Variants in ADCY8 observed in about 807,000 individuals in gnomAD.
ADCY8 encodes adenylate cyclase type 8.
A neutral mutation model predicts 119.7 loss-of-function variants in ADCY8; 51 were observed. That is an observed-to-expected ratio of 0.43 (90% CI 0.34 to 0.54). The LOEUF is 0.54. Ranked by LOEUF, ADCY8 falls within the 20% of genes least tolerant of loss-of-function variation. ADCY8 has a pLI of 0.03. For synonymous variants in ADCY8, 665 were observed against 651.0 expected (o/e 1.02, Z -0.33); for missense variants, 1,383 against 1,598.8 (o/e 0.87, Z 2.30).
chr8:130,989,327 C>T (rs188438955), intron 2 of ADCY8, among the ~76,000 whole-genome samples: 234 of 152,240 alleles, frequency 1.5e-3, no homozygotes, highest in African/African-American at 5.5e-3. Flanking sequence ...GTCACACGGA[C>T]CTGGCTTCAC....
intron 8 of ADCY8, among the ~76,000 whole-genome samples, chr8:130,873,901 C>A (rs190083496): frequency 1.3e-5 from 2 of 152,170 alleles, no homozygotes; most frequent in Non-Finnish European, 2.9e-5. Flanking sequence ...AAAGAAAATT[C>A]TCAACTGGGA....
At chr8:131,027,117 C>T (rs551790348) in intron 1 of ADCY8, among the ~76,000 whole-genome samples, 1 of 152,326 alleles carries the variant, frequency 6.6e-6, no homozygotes, top group South Asian at 2.1e-4. Flanking sequence ...GCTTGAAGGA[C>T]TGCTCATTTT....
At chr8:130,873,108 C>G (rs1013728134) in intron 8 of ADCY8, among the ~76,000 whole-genome samples, 5 of 152,178 alleles carry the variant, frequency 3.3e-5, no homozygotes. Context: ...AGGTGATGGA[C>G]AGAGCTTCCA....
At position 130,865,852 on chromosome 8, in the gene ADCY8, T is replaced by G. The variant is rs185397798; in HGVS notation, c.2210+1994A>C. Among the ~76,000 whole-genome samples the G allele has an allele frequency of 2.6e-5, 4 of 152,238 alleles. No homozygotes were observed. The East Asian group carries it at 7.7e-4, about 29-fold the overall frequency. ...ATGAGAGGGAGATTAGATGATCAGTTTCACGAGTTCATAGTGTCTTGATGG... is the reference window on the plus strand; with the variant it reads ...ATGAGAGGGAGATTAGATGATCAGTGTCACGAGTTCATAGTGTCTTGATGG... On this transcript the variant is annotated intron_variant, in intron 9 of 17. Transcript: ENST00000286355.
At chr8:130,921,432 A>ATTTCTC (rs1820299212) in intron 5 of ADCY8, among the ~76,000 whole-genome samples, 1 of 135,116 alleles carries the variant, frequency 7.4e-6, no homozygotes, top group African/African-American at 2.8e-5. Flanking sequence ...ATGGTTATCC[A>ATTTCTC]TTTTTCTTTT....
chr8:130,787,305 G>A (rs1434562480), intron 15 of ADCY8, among the ~76,000 whole-genome samples: 1 of 152,152 alleles, frequency 6.6e-6, no homozygotes, highest in Non-Finnish European at 1.5e-5. Flanking sequence ...TTGGGTTAGG[G>A]ATGGAGTCAG....
At chr8:130,986,316 G>A (rs1044482683) in intron 2 of ADCY8, among the ~76,000 whole-genome samples, 2 of 152,168 alleles carry the variant, frequency 1.3e-5, no homozygotes, top group Non-Finnish European at 2.9e-5. Flanking sequence ...ATAGGTAGAA[G>A]TGAAGCTAGG....
chr8:130,867,925 C>A lies in ADCY8; in HGVS notation c.2131G>T (p.Val711Leu). The stretch of plus-strand genomic sequence containing the variant: ...GCACAGACCAAGTTTGACTTGAACA[C>A]TTCATCCCTCATTTGAGAATACTGT... ...EHKYSQMRDE[V>L]FKSNLVCAFI... Residue 711 changes from valine (V) to leucine (L), a missense_variant, in exon 9 of 18, where the codon GTG becomes TTG. By Grantham distance (32) the Val-to-Leu change is conservative. This residue lies in a region of ADCY8 where 928 missense variants were observed against 1,163.5 expected (regional missense o/e 0.80). Transcript: ENST00000286355. 1 of 1,610,452 alleles carries A rather than the reference C, an allele frequency of 6.2e-7. No individual in the cohort carries two copies. The highest frequency in any genetic ancestry group is 8.5e-7 in the Non-Finnish European group (1 of 1,177,904).
intron 2 of ADCY8, among the ~76,000 whole-genome samples, chr8:130,982,317 A>G (rs1195093874): frequency 3.3e-5 from 5 of 152,160 alleles, no homozygotes; most frequent in Non-Finnish European, 7.3e-5. Flanking sequence ...TGTTAACAAA[A>G]ATGTCTTAGT....
chr8:130,801,207 T>G (rs952334971), intron 14 of ADCY8, among the ~76,000 whole-genome samples: 2 of 152,194 alleles, frequency 1.3e-5, no homozygotes, highest in African/African-American at 4.8e-5. Context: ...AGCTTCCTTT[T>G]CTTTTCTCCT....
intron 9 of ADCY8, among the ~76,000 whole-genome samples, chr8:130,862,093 G>C (rs1216714405): frequency 6.6e-6 from 1 of 152,066 alleles, no homozygotes; most frequent in Admixed American, 6.6e-5. Flanking sequence ...ATTTTGTTGA[G>C]AGGTTTTATG....
intron 9 of ADCY8, among the ~76,000 whole-genome samples, chr8:130,864,371 C>T (rs377590211): frequency 6.6e-6 from 1 of 152,024 alleles, no homozygotes; most frequent in Admixed American, 6.6e-5. Flanking sequence ...TTCTGTGATT[C>T]TGTGGTTTGT....
chr8:130,822,593 T>G (rs1397250164), intron 12 of ADCY8, among the ~76,000 whole-genome samples: 1 of 149,514 alleles, frequency 6.7e-6, no homozygotes, highest in African/African-American at 2.5e-5. Flanking sequence ...CATCCATCCA[T>G]CCTTCCAGCC....
At chr8:130,992,023 A>G (rs1180927114) in intron 1 of ADCY8, among the ~76,000 whole-genome samples, 2 of 151,102 alleles carry the variant, frequency 1.3e-5, no homozygotes, top group East Asian at 3.9e-4. Context: ...ATAGAATATA[A>G]CCATTTTGAA....
At chr8:130,882,811 A>G (rs185609763) in intron 8 of ADCY8, among the ~76,000 whole-genome samples, 8 of 152,288 alleles carry the variant, frequency 5.3e-5, no homozygotes, top group South Asian at 4.2e-4. Context: ...GCAGTAACAC[A>G]GTCCCTAGAG....
chr8:130,958,213 A>G (rs752506503), intron 2 of ADCY8, among the ~76,000 whole-genome samples: 1 of 152,232 alleles, frequency 6.6e-6, no homozygotes, highest in Non-Finnish European at 1.5e-5. Context: ...GAATAAATCT[A>G]TTTGTTCATA....
At chr8:130,925,833 T>C (rs1820449763) in intron 5 of ADCY8, among the ~76,000 whole-genome samples, 1 of 152,202 alleles carries the variant, frequency 6.6e-6, no homozygotes, top group Admixed American at 6.5e-5. Context: ...ATCCTTTCTA[T>C]TTCACAGCTG....
intron 8 of ADCY8, among the ~76,000 whole-genome samples, chr8:130,873,358 G>A (rs1490999576): frequency 1.3e-5 from 2 of 150,340 alleles, no homozygotes; most frequent in African/African-American, 2.5e-5. Context: ...CACTCTTCTT[G>A]CCCAGGCTGC....
chr8:130,948,962 C>T (rs1821192292), intron 3 of ADCY8, among the ~76,000 whole-genome samples: 2 of 152,182 alleles, frequency 1.3e-5, no homozygotes, highest in African/African-American at 4.8e-5. Flanking sequence ...TCTCACCACG[C>T]TGCTCTGAGA....
Sources: gnomAD v4.1 joint callset for allele counts (sites outside exome capture counted in the v4.1 genomes callset) on GRCh38, gnomAD v4.1.1 for gene constraint, gnomAD v4.1.1 regional missense constraint, MANE v1.5 for transcripts, NCBI Gene and HGNC (gene_info 2026-07-23, HGNC 2026-07-21) for gene names.